The following ADK variants were observed in gnomAD, a reference collection of about 807,000 sequenced individuals.
The protein encoded by ADK is adenosine kinase.
ADK carries 24 observed loss-of-function variants against 44.7 expected under a neutral mutation model. The ratio of observed to expected loss-of-function variants is 0.54; its 90% CI spans 0.39 to 0.76. The LOEUF is 0.76. ADK is among the 30% of genes least tolerant of loss of function. The probability of loss-of-function intolerance (pLI) is 0.00; values close to 1 mark genes in which losing one functional copy is unlikely to be tolerated. For missense variants in ADK, 321 were observed against 425.1 expected (o/e 0.76, Z 2.15); for synonymous variants, 128 against 142.6 (o/e 0.90, Z 0.73).
At chr10:74,633,749 G>A (rs1853521398) in intron 9 of ADK, among the ~76,000 whole-genome samples, 1 of 152,202 alleles carries the variant, frequency 6.6e-6, no homozygotes, top group African/African-American at 2.4e-5. Context: ...GAAACTGAAG[G>A]AGAGTCTATA....
chr10:74,677,954 C>A (rs1398389332), intron 10 of ADK, among the ~76,000 whole-genome samples: 1 of 108,122 alleles, frequency 9.2e-6, no homozygotes, highest in Non-Finnish European at 1.8e-5. Flanking sequence ...ACAGTGAGAC[C>A]CCAGTCTCTA....
intron 10 of ADK, among the ~76,000 whole-genome samples, chr10:74,685,654 A>G (rs1318292127): frequency 1.3e-5 from 2 of 152,254 alleles, no homozygotes; most frequent in African/African-American, 2.4e-5. Context: ...GAAAACATAA[A>G]GGATATGGAT....
At chr10:74,315,311 G>A (rs1405829811) in intron 4 of ADK, among the ~76,000 whole-genome samples, 2 of 151,964 alleles carry the variant, frequency 1.3e-5, no homozygotes, top group Non-Finnish European at 1.5e-5. Context: ...AAATATCTAT[G>A]TATAGACATA....
rs765860637 is a variant in ADK at position 74,394,127 on chromosome 10, T to A, written c.274-14T>A. Reference sequence around the variant, plus strand: ...TTTTTGCCCCATTAAATTATTTATGTTCCTGTTTTACAGTGGATGATTCAA... The same window carrying A: ...TTTTTGCCCCATTAAATTATTTATGATCCTGTTTTACAGTGGATGATTCAA... On this transcript the variant is annotated splice_polypyrimidine_tract_variant and intron_variant, in intron 4 of 10. Coordinates refer to ENST00000539909, the MANE Select transcript of ADK (RefSeq NM_006721.4). The A allele has an allele frequency of 6.2e-7, 1 of 1,613,778 alleles. No individual in the cohort carries two copies. Among genetic ancestry groups the A allele is most frequent in the Non-Finnish European group, 8.5e-7 (1 of 1,179,800 alleles).
At chr10:74,691,100 A>G (rs575384319) in intron 10 of ADK, among the ~76,000 whole-genome samples, 2 of 152,328 alleles carry the variant, frequency 1.3e-5, no homozygotes, top group South Asian at 4.1e-4. Context: ...TGCCTCGTGT[A>G]CACTGTGGCA....
chr10:74,291,800 G>A lies in ADK; in HGVS notation c.195-22867G>A, dbSNP rs190504915. On this transcript the variant is annotated intron_variant, in intron 3 of 10. Coordinates refer to ENST00000539909, the MANE Select transcript of ADK (RefSeq NM_006721.4). Reference sequence around the variant, plus strand: ...ATTGATTCTAATTTTGGCTACCTTTGTATTATGTGTATCATAATGATTTCA... The same window carrying A: ...ATTGATTCTAATTTTGGCTACCTTTATATTATGTGTATCATAATGATTTCA... Among the ~76,000 whole-genome samples the A allele has an allele frequency of 4.0e-5, 6 of 150,470 alleles. No homozygotes were observed. The East Asian group carries it at 1.2e-3, about 29-fold the overall frequency.
intron 4 of ADK, among the ~76,000 whole-genome samples, chr10:74,329,343 A>G (rs1260653581): frequency 6.6e-6 from 1 of 152,194 alleles, no homozygotes; most frequent in African/African-American, 2.4e-5. Context: ...GATGTGCAGT[A>G]GAATTAAGCC....
At chr10:74,235,128 C>T (rs111406480) in intron 3 of ADK, among the ~76,000 whole-genome samples, 13 of 130,100 alleles carry the variant, frequency 1.0e-4, no homozygotes, top group African/African-American at 2.7e-4. Context: ...GAAATTATCC[C>T]TTTTTTTTTT....
intron 2 of ADK, among the ~76,000 whole-genome samples, chr10:74,205,411 C>T (rs1025418253): frequency 1.3e-5 from 2 of 152,056 alleles, no homozygotes; most frequent in Non-Finnish European, 1.5e-5. Context: ...CGTGGTGGCT[C>T]ACGCCTGTAA....
chr10:74,251,894 CTTTTTTTTT>C (rs566363104), intron 3 of ADK, among the ~76,000 whole-genome samples: 21 of 99,394 alleles, frequency 2.1e-4, no homozygotes, highest in African/African-American at 6.9e-4. Context: ...GTGGCAGATA[CTTTTTTTTT>C]TTTTTTTTTT....
intron 10 of ADK, among the ~76,000 whole-genome samples, chr10:74,687,419 G>T (rs1053625896): frequency 6.6e-6 from 1 of 152,304 alleles, no homozygotes; most frequent in Admixed American, 6.5e-5. Flanking sequence ...TCATCAGTAG[G>T]ACACTAGGAG....
chr10:74,201,162 A>T (rs1843361396), intron 2 of ADK, among the ~76,000 whole-genome samples: 1 of 152,220 alleles, frequency 6.6e-6, no homozygotes, highest in Non-Finnish European at 1.5e-5. Context: ...TAATGGTATC[A>T]TAATCTACAG....
At chr10:74,650,457 T>C (rs1300423857) in intron 9 of ADK, among the ~76,000 whole-genome samples, 1 of 152,130 alleles carries the variant, frequency 6.6e-6, no homozygotes, top group Non-Finnish European at 1.5e-5. Flanking sequence ...TGTTGCGCTT[T>C]ACAGCTCACA....
intron 6 of ADK, among the ~76,000 whole-genome samples, chr10:74,464,266 G>A (rs997426711): frequency 5.9e-5 from 9 of 152,164 alleles, no homozygotes; most frequent in Non-Finnish European, 1.2e-4. Flanking sequence ...TAAGAATCTA[G>A]CTGAGCACAG....
intron 1 of ADK, among the ~76,000 whole-genome samples, chr10:74,181,248 G>T (rs1308372478): frequency 6.6e-6 from 1 of 151,724 alleles, no homozygotes; most frequent in Non-Finnish European, 1.5e-5. Context: ...TTTTTTTGGG[G>T]GGGGTCTCTT....
chr10:74,214,655 AGAG>A (rs1273792126), intron 2 of ADK, among the ~76,000 whole-genome samples: 2 of 152,196 alleles, frequency 1.3e-5, no homozygotes, highest in East Asian at 3.8e-4. Flanking sequence ...GCTGATCTTC[AGAG>A]GAGGAGCACA....
At chr10:74,527,432 T>C (rs1849096620) in intron 7 of ADK, among the ~76,000 whole-genome samples, 2 of 151,520 alleles carry the variant, frequency 1.3e-5, no homozygotes, top group African/African-American at 4.8e-5. Flanking sequence ...AAAGAAAGCT[T>C]AGGGAGATTG....
intron 1 of ADK, among the ~76,000 whole-genome samples, chr10:74,199,473 T>G (rs1415945869): frequency 6.6e-6 from 1 of 152,190 alleles, no homozygotes; most frequent in Non-Finnish European, 1.5e-5. Context: ...GTTAATTCAC[T>G]TAGGATAATT....
chr10:74,543,231 A>G (rs1024969644), intron 7 of ADK, among the ~76,000 whole-genome samples: 4 of 150,804 alleles, frequency 2.7e-5, no homozygotes, highest in Admixed American at 6.6e-5. Flanking sequence ...AAAAACTGAG[A>G]CAGGGTCTCA....
Sources: gnomAD v4.1 joint callset for allele counts (sites outside exome capture counted in the v4.1 genomes callset) on GRCh38, gnomAD v4.1.1 for gene constraint, MANE v1.5 for transcripts, NCBI Gene and HGNC (gene_info 2026-07-23, HGNC 2026-07-21) for gene names.